KIAA2012: variants seen among roughly 807,000 people sequenced by gnomAD.
KIAA2012 encodes the protein KIAA2012, also known as uncharacterized protein KIAA2012.
Under a neutral mutation model 150.6 loss-of-function variants are expected in KIAA2012, and 125 were observed. The ratio of observed to expected loss-of-function variants is 0.83; its 90% confidence interval spans 0.72 to 0.96. The LOEUF (loss-of-function observed/expected upper bound fraction) is 0.96, where lower values mean the gene tolerates loss of function less well. Among genes scored for constraint, KIAA2012 ranks in the 40% least tolerant of loss-of-function variants. The pLI, the probability that KIAA2012 is intolerant of heterozygous loss-of-function variation, is 0.00. For missense variants in KIAA2012, 1,219 were observed against 1,354.9 expected, an observed-to-expected ratio of 0.90 and a Z score of 1.57; for synonymous variants, 462 against 504.7, an observed-to-expected ratio of 0.92 and a Z score of 1.13.
intron 2 of KIAA2012, among the ~76,000 whole-genome samples, chr2:202,087,249 C>A (rs1367918436): frequency 2.0e-5 from 3 of 152,076 alleles, no homozygotes; most frequent in Admixed American, 2.0e-4. Context: ...TGGTGACTCA[C>A]GCCTGGAGTC....
intron 13 of KIAA2012, among the ~76,000 whole-genome samples, chr2:202,151,036 G>A (rs1691416172): frequency 6.6e-6 from 1 of 152,110 alleles, no homozygotes; most frequent in South Asian, 2.1e-4. Flanking sequence ...AGAAGACTGG[G>A]GCAGACAGGC....
chr2:202,189,673 G>A (rs145715438), intron 18 of KIAA2012, among the ~76,000 whole-genome samples: 42 of 152,252 alleles, frequency 2.8e-4, no homozygotes, highest in African/African-American at 9.6e-4. Context: ...GGTGGTGTGT[G>A]AACTACTCTT....
At chr2:202,190,127 A>G (rs1293821133) in intron 18 of KIAA2012, 47 bp from the exon 19 acceptor site, 1 of 1,431,744 alleles carries the variant, frequency 7.0e-7, no homozygotes, top group Non-Finnish European at 9.3e-7. Flanking sequence ...TAGTGATCAC[A>G]TTAAGTTAAC....
intron 12 of KIAA2012, among the ~76,000 whole-genome samples, chr2:202,133,128 A>ATTT (rs1202818706): frequency 1.3e-4 from 10 of 76,694 alleles, no homozygotes; most frequent in African/African-American, 5.5e-4. Context: ...ATATATATAT[A>ATTT]TATTTTTTTT....
intron 1 of KIAA2012, among the ~76,000 whole-genome samples, chr2:202,074,543 T>A (rs1355551870): frequency 2.0e-5 from 3 of 152,222 alleles, no homozygotes; most frequent in Admixed American, 1.3e-4. Context: ...AGTCCAGGTC[T>A]AATTTCAAAG....
intron 7 of KIAA2012, among the ~76,000 whole-genome samples, chr2:202,101,782 G>A (rs148397326): frequency 3.6e-4 from 55 of 152,272 alleles, no homozygotes; most frequent in Non-Finnish European, 6.6e-4. Flanking sequence ...TCCTATGTGC[G>A]TGTGTTTGGT....
Position 202,104,653 on chromosome 2 carries a change from G to A in KIAA2012, c.1325-1108G>A, listed in dbSNP as rs770508240. On this transcript the variant is annotated intron_variant, in intron 8 of 23. Coordinates refer to ENST00000498697, the MANE Select transcript of KIAA2012 (RefSeq NM_001277372.4). This position sits in a 1 kb window ranked among gnomAD's most constrained non-coding sequence, Gnocchi z 4.3. ...TACTGGCCCTCTGATAATTACAGCA[G>A]GCAGATAGTAGCCTGGGAATGTTAA... Among the ~76,000 whole-genome samples, 3 of 152,230 alleles carry A rather than the reference G, an allele frequency of 2.0e-5. No individual in the cohort carries two copies. The highest frequency in any genetic ancestry group is 6.5e-5 in the Admixed American group (1 of 15,284).
chr2:202,127,461 G>A (rs1479714950), intron 12 of KIAA2012, among the ~76,000 whole-genome samples: 1 of 152,186 alleles, frequency 6.6e-6, no homozygotes, highest in African/African-American at 2.4e-5. Flanking sequence ...TAATTTGGAA[G>A]TATATAGAGC....
chr2:202,188,412 C>T (rs1048527660), intron 18 of KIAA2012, 146 bp downstream of exon 18: 1 of 632,968 alleles, frequency 1.6e-6, no homozygotes, highest in Non-Finnish European at 2.7e-6. Flanking sequence ...GTGTTGCAGC[C>T]TTATGTCATA....
intron 14 of KIAA2012, among the ~76,000 whole-genome samples, chr2:202,160,469 A>G (rs1480868620): frequency 2.6e-5 from 4 of 151,980 alleles, no homozygotes; most frequent in Non-Finnish European, 5.9e-5. Context: ...GCCCGCCACC[A>G]TGCCCAGCTG....
intron 12 of KIAA2012, chr2:202,135,658 G>A (rs949523794): frequency 6.6e-6 from 1 of 152,168 alleles, no homozygotes; most frequent in Non-Finnish European, 1.5e-5. Context: ...CATTCTCCTG[G>A]TGTTGCAAGA....
At chr2:202,111,213 G>A (rs1690340331) in intron 10 of KIAA2012, among the ~76,000 whole-genome samples, 1 of 151,910 alleles carries the variant, frequency 6.6e-6, no homozygotes, top group Non-Finnish European at 1.5e-5. Flanking sequence ...TAGAATGCCA[G>A]TGGCTGGGCG....
intron 12 of KIAA2012, among the ~76,000 whole-genome samples, chr2:202,135,551 C>T (rs1487389552): frequency 1.3e-5 from 2 of 152,194 alleles, no homozygotes; most frequent in African/African-American, 2.4e-5. Flanking sequence ...CAGTAAATTA[C>T]CAAGGTCTTG....
At chr2:202,108,593 G>A (rs560153657) in intron 9 of KIAA2012, among the ~76,000 whole-genome samples, 4 of 152,108 alleles carry the variant, frequency 2.6e-5, no homozygotes, top group Middle Eastern at 3.2e-3. Flanking sequence ...AATTACCTTC[G>A]ATTTGGATTT....
At chr2:202,190,750 C>T (rs2105747365) in intron 19 of KIAA2012, among the ~76,000 whole-genome samples, 1 of 152,254 alleles carries the variant, frequency 6.6e-6, no homozygotes, top group Admixed American at 6.5e-5. Flanking sequence ...AGTATCCACC[C>T]TTTAAAGAAT....
At chr2:202,109,914 T>C in intron 10 of KIAA2012, 125 bp downstream of exon 10, 3 of 794,700 alleles carry the variant, frequency 3.8e-6, no homozygotes, top group Non-Finnish European at 5.7e-6. Flanking sequence ...TAATTGACAC[T>C]GTTTCTGATG....
At chr2:202,177,716 A>C (rs1692025817) in intron 15 of KIAA2012, among the ~76,000 whole-genome samples, 1 of 152,160 alleles carries the variant, frequency 6.6e-6, no homozygotes, top group Admixed American at 6.5e-5. Context: ...GCATTAATCC[A>C]TTCATGAGGA....
rs1692425753 is a variant in KIAA2012 at position 202,196,913 on chromosome 2, G to A, written c.3301G>A (p.Ala1101Thr). ...GGAGTACCAGCGGCGGAAACAGGAA[G>A]CAGAAGAGAAGGCTCGGCTGGAGGC... ...RLEYQRRKQE[A>T]EEKARLEAEE... is the part of the protein sequence containing the mutation. Residue 1101 changes from alanine to threonine, a missense_variant, in exon 22 of 24, where the codon GCA becomes ACA. Coordinates refer to ENST00000498697, the MANE Select transcript of KIAA2012 (RefSeq NM_001277372.4). 1 of 1,550,746 alleles carries A rather than the reference G, an allele frequency of 6.4e-7. No homozygotes were observed. Among genetic ancestry groups the A allele is most frequent in the Non-Finnish European group, 8.7e-7 (1 of 1,147,014 alleles).
chr2:202,163,010 TTAAC>T (rs1049345095), intron 14 of KIAA2012, among the ~76,000 whole-genome samples: 1 of 152,130 alleles, frequency 6.6e-6, no homozygotes, highest in African/African-American at 2.4e-5. Flanking sequence ...AATAATTTAT[TTAAC>T]TAGTCCTCAA....
Sources: allele counts gnomAD v4.1 joint callset (sites outside exome capture counted in the v4.1 genomes callset), GRCh38; gene constraint gnomAD v4.1.1; non-coding constraint Gnocchi (gnomAD v3.1); transcripts MANE v1.5; gene names NCBI Gene and HGNC (gene_info 2026-07-23, HGNC 2026-07-21).